The following OLA1 variants were observed in gnomAD, a reference collection of about 807,000 sequenced individuals.
OLA1 encodes the protein obg-like ATPase 1.
In OLA1, 14 loss-of-function variants were observed where a neutral mutation model predicts 48.4. The observed-to-expected ratio is 0.29, with a 90% CI of 0.19 to 0.45. The LOEUF is 0.45. Ranked by LOEUF, OLA1 falls within the 20% of genes least tolerant of loss-of-function variation. OLA1 has a pLI of 1.00. For synonymous variants in OLA1, 127 were observed against 150.4 expected (o/e 0.84, Z 1.14); for missense variants, 325 against 467.1 (o/e 0.70, Z 2.80).
chr2:174,183,208 A>G (rs1687586155), intron 4 of OLA1, among the ~76,000 whole-genome samples: 1 of 152,198 alleles, frequency 6.6e-6, no homozygotes, highest in Admixed American at 6.5e-5. Context: ...GGGAGGGATT[A>G]GTTACAATGT....
chr2:174,216,598 G>A (rs1270746628), intron 4 of OLA1, among the ~76,000 whole-genome samples: 1 of 152,080 alleles, frequency 6.6e-6, no homozygotes, highest in African/African-American at 2.4e-5. Context: ...TGTCACCCAG[G>A]CTGGAGTACA....
At chr2:174,221,043 G>A (rs1049514155) in intron 4 of OLA1, among the ~76,000 whole-genome samples, 1 of 151,892 alleles carries the variant, frequency 6.6e-6, no homozygotes, top group Non-Finnish European at 1.5e-5. Flanking sequence ...TTAAAATTCT[G>A]ATTATAAATG....
At chr2:174,145,654 T>C (rs1395207208) in intron 4 of OLA1, among the ~76,000 whole-genome samples, 2 of 152,208 alleles carry the variant, frequency 1.3e-5, no homozygotes, top group Admixed American at 1.3e-4. Context: ...GCAATTTTCA[T>C]TGTATTTATT....
At chr2:174,150,847 A>T (rs1232122324) in intron 4 of OLA1, among the ~76,000 whole-genome samples, 1 of 152,246 alleles carries the variant, frequency 6.6e-6, no homozygotes, top group Non-Finnish European at 1.5e-5. Context: ...ATTCACTAGC[A>T]AAGACTTTAA....
intron 7 of OLA1, among the ~76,000 whole-genome samples, chr2:174,095,896 T>C (rs977222081): frequency 6.6e-6 from 1 of 152,046 alleles, no homozygotes. Flanking sequence ...CCCTGGAGAA[T>C]ATATAATAAC....
chr2:174,235,132 C>G (rs1866642), intron 2 of OLA1, among the ~76,000 whole-genome samples: 27,615 of 151,954 alleles, frequency 0.18, 2,745 homozygotes, highest in African/African-American at 0.2. Flanking sequence ...GCACTCCAGC[C>G]CGGGCAACAG....
chr2:174,079,643 T>C (rs904019463), intron 9 of OLA1, among the ~76,000 whole-genome samples: 5 of 151,832 alleles, frequency 3.3e-5, no homozygotes, highest in African/African-American at 1.2e-4. Context: ...CCTCTAACCA[T>C]CATGAAGGAA....
At chr2:174,224,395 C>T (rs1301535855) in intron 3 of OLA1, among the ~76,000 whole-genome samples, 4 of 152,140 alleles carry the variant, frequency 2.6e-5, no homozygotes, top group Non-Finnish European at 5.9e-5. Flanking sequence ...GCATGTAGCT[C>T]CGGCCTTCAC....
At chr2:174,151,135 T>C (rs917586144) in intron 4 of OLA1, among the ~76,000 whole-genome samples, 1 of 152,014 alleles carries the variant, frequency 6.6e-6, no homozygotes, top group African/African-American at 2.4e-5. Context: ...CAATCATGAG[T>C]CTTACATGAA....
At position 174,074,516 on chromosome 2, in the gene OLA1, T is replaced by G. The variant is rs1262784899; in HGVS notation, c.*910A>C. 1 of 152,214 alleles carries G rather than the reference T, an allele frequency of 6.6e-6. No individual in the cohort carries two copies. Among genetic ancestry groups the G allele is most frequent in the African/African-American group, 2.4e-5 (1 of 41,458 alleles). 9.4% of individuals were successfully genotyped at this position (152,214 alleles called of 1,614,324 possible). ...GAAAGAATTTTTAAAATTTTCAAAG[T>G]CTGATCTTAGTATTTCAAAATCAGT... On this transcript the variant is annotated 3_prime_UTR_variant, in exon 11 of 11. Coordinates refer to ENST00000284719, the MANE Select transcript of OLA1 (RefSeq NM_013341.5).
intron 7 of OLA1, among the ~76,000 whole-genome samples, chr2:174,090,802 C>T (rs934631803): frequency 1.3e-5 from 2 of 152,122 alleles, no homozygotes; most frequent in Non-Finnish European, 2.9e-5. Context: ...GAAGGCATCC[C>T]GATACTGATA....
chr2:174,117,322 A>C (rs1685806258), intron 7 of OLA1, among the ~76,000 whole-genome samples: 1 of 152,212 alleles, frequency 6.6e-6, no homozygotes, highest in Non-Finnish European at 1.5e-5. Context: ...TATCTTCTAC[A>C]TGAAAGGCTA....
intron 7 of OLA1, among the ~76,000 whole-genome samples, chr2:174,112,691 AC>A (rs1009014015): frequency 6.6e-6 from 1 of 152,054 alleles, no homozygotes; most frequent in African/African-American, 2.4e-5. Flanking sequence ...AGTTTGACCC[AC>A]TTTGCTCTCT....
intron 4 of OLA1, among the ~76,000 whole-genome samples, chr2:174,176,736 G>C (rs559765775): frequency 6.6e-6 from 1 of 152,224 alleles, no homozygotes; most frequent in South Asian, 2.1e-4. Flanking sequence ...CCACAAAAAA[G>C]TGGGAGGTAT....
At chr2:174,101,042 A>G (rs1456723648) in intron 7 of OLA1, among the ~76,000 whole-genome samples, 1 of 152,214 alleles carries the variant, frequency 6.6e-6, no homozygotes, top group Non-Finnish European at 1.5e-5. Context: ...GTAAATACTG[A>G]AAGTTGGAAT....
intron 4 of OLA1, among the ~76,000 whole-genome samples, chr2:174,203,054 T>G (rs1688025617): frequency 6.6e-6 from 1 of 152,180 alleles, no homozygotes; most frequent in South Asian, 2.1e-4. Context: ...GACATCAACT[T>G]TGTCTCCTTT....
rs552375462 is a variant in OLA1 at position 174,214,689 on chromosome 2, T to C, written c.373+8344A>G. Reference sequence around the variant, plus strand: ...GTATTTTCCAGACATTTTATATGTTTCAGAAATAGGCAGCTCTGCCCGTTA... The same window carrying C: ...GTATTTTCCAGACATTTTATATGTTCCAGAAATAGGCAGCTCTGCCCGTTA... On this transcript the variant is annotated intron_variant, in intron 4 of 10. Coordinates refer to ENST00000284719, the MANE Select transcript of OLA1 (RefSeq NM_013341.5). Among the ~76,000 whole-genome samples, 96 of 152,290 alleles carry C rather than the reference T, an allele frequency of 6.3e-4. 1 individual carries two copies. The highest frequency in any genetic ancestry group is 5.2e-3 in the South Asian group (25 of 4,828).
chr2:174,168,659 A>T (rs1687223634), intron 4 of OLA1, among the ~76,000 whole-genome samples: 1 of 152,074 alleles, frequency 6.6e-6, no homozygotes, highest in Non-Finnish European at 1.5e-5. Context: ...CTCCCAGCAG[A>T]GAAATAGAAA....
At chr2:174,095,642 C>G (rs1215979049) in intron 7 of OLA1, among the ~76,000 whole-genome samples, 1 of 151,758 alleles carries the variant, frequency 6.6e-6, no homozygotes, top group Non-Finnish European at 1.5e-5. Flanking sequence ...AACTGGATAT[C>G]CACATACAAA....
Sources: gnomAD v4.1 joint callset for allele counts (sites outside exome capture counted in the v4.1 genomes callset) on GRCh38, gnomAD v4.1.1 for gene constraint, MANE v1.5 for transcripts, NCBI Gene and HGNC (gene_info 2026-07-23, HGNC 2026-07-21) for gene names.